ROS1: variants seen among roughly 807,000 people sequenced by gnomAD.
ROS1 encodes ROS proto-oncogene 1, receptor tyrosine kinase, also known as proto-oncogene tyrosine-protein kinase ROS.
In ROS1, 263 loss-of-function variants were observed where a neutral mutation model predicts 273.5. The observed-to-expected ratio is 0.96, with a 90% CI of 0.87 to 1.06. The LOEUF is 1.06. Ranked by LOEUF, ROS1 falls within the 50% of genes least tolerant of loss-of-function variation. The pLI is 0.00. For synonymous variants in ROS1, 1,008 were observed against 954.1 expected (o/e 1.06, Z -1.04); for missense variants, 2,833 against 2,751.1 (o/e 1.03, Z -0.67).
intron 42 of ROS1, among the ~76,000 whole-genome samples, chr6:117,307,464 T>A (rs889443628): frequency 2.0e-5 from 3 of 152,142 alleles, no homozygotes; most frequent in African/African-American, 7.2e-5. Context: ...TTAATTAAAA[T>A]TTATTTTGTA....
Position 117,356,697 on chromosome 6 carries a change from T to C in ROS1, c.4058A>G (p.Gln1353Arg), listed in dbSNP as rs1188265810. The change falls in exon 26 of 44, where the codon CAA (glutamine) becomes CGA (arginine). Residue 1353 changes from glutamine (Q) to arginine (R), a missense_variant. By Grantham distance (43) the Gln-to-Arg change is conservative. Transcript: ENST00000368507. Reference protein sequence around the residue: ...EKPLIYFAKAQEIWAMDLEGC... With the variant: ...EKPLIYFAKAREIWAMDLEGC... ...TTCCAGATCCATTGCCCAGATCTCT[T>C]GTGCTTTGGCAAAGTATATCAATGG... 1 of 1,614,072 alleles carries C rather than the reference T, an allele frequency of 6.2e-7. No individual in the cohort carries two copies. The highest frequency in any genetic ancestry group is 1.3e-5 in the African/African-American group (1 of 74,940).
At chr6:117,393,135 G>T in intron 12 of ROS1, 89 bp downstream of exon 12, 1 of 807,856 alleles carries the variant, frequency 1.2e-6, no homozygotes, top group Non-Finnish European at 2.2e-6. Context: ...GGCTCATCTG[G>T]TACTACAATG....
At chr6:117,370,076 TATAG>T (rs1780647841) in intron 18 of ROS1, among the ~76,000 whole-genome samples, 1 of 152,194 alleles carries the variant, frequency 6.6e-6, no homozygotes, top group Non-Finnish European at 1.5e-5. Flanking sequence ...AATCTATATC[TATAG>T]ATAGATAAAT....
chr6:117,407,639 C>A (rs1459280856), intron 5 of ROS1, among the ~76,000 whole-genome samples: 2 of 152,140 alleles, frequency 1.3e-5, no homozygotes, highest in Non-Finnish European at 2.9e-5. Context: ...AAACATACTG[C>A]CCAAAGTAAT....
chr6:117,393,356 A>G (rs1259965391), intron 11 of ROS1, 35 bp from the exon 12 acceptor site: 1 of 1,274,600 alleles, frequency 7.8e-7, no homozygotes, highest in East Asian at 2.3e-5. Flanking sequence ...TAGGATTAGC[A>G]TCTGTCTATA....
intron 39 of ROS1, among the ~76,000 whole-genome samples, chr6:117,313,006 T>C (rs1390686652): frequency 6.6e-6 from 1 of 152,154 alleles, no homozygotes; most frequent in African/African-American, 2.4e-5. Flanking sequence ...TATTCTCCAC[T>C]GCACTCTAAT....
chr6:117,379,841 A>G (rs1488664529), intron 17 of ROS1, among the ~76,000 whole-genome samples: 1 of 152,170 alleles, frequency 6.6e-6, no homozygotes, highest in Non-Finnish European at 1.5e-5. Context: ...AAGATCATAC[A>G]CAAAGGATGT....
intron 32 of ROS1, among the ~76,000 whole-genome samples, chr6:117,329,978 G>C (rs1415792937): frequency 6.6e-6 from 1 of 151,950 alleles, no homozygotes; most frequent in Non-Finnish European, 1.5e-5. Flanking sequence ...ACCAGCACAG[G>C]CTTCTGCTGC....
intron 26 of ROS1, 44 bp from the exon 27 acceptor site, chr6:117,353,210 C>A: frequency 1.5e-6 from 2 of 1,365,224 alleles, no homozygotes; most frequent in Non-Finnish European, 9.8e-7. Context: ...AAATTAATAT[C>A]TTACATTTTT....
chr6:117,382,075 G>C (rs1772202051), intron 17 of ROS1, among the ~76,000 whole-genome samples: 1 of 152,058 alleles, frequency 6.6e-6, no homozygotes, highest in South Asian at 2.1e-4. Flanking sequence ...TTACTCTTGA[G>C]ATAATATTAT....
chr6:117,341,034 A>T, intron 31 of ROS1, 101 bp downstream of exon 31: 1 of 746,862 alleles, frequency 1.3e-6, no homozygotes, highest in Non-Finnish European at 2.1e-6. Flanking sequence ...AAAGTTGTCA[A>T]ATATATTGTT....
intron 27 of ROS1, among the ~76,000 whole-genome samples, chr6:117,350,810 T>A (rs1240766587): frequency 6.6e-6 from 1 of 152,014 alleles, no homozygotes; most frequent in East Asian, 1.9e-4. Flanking sequence ...TCCTCACATG[T>A]TACAGTGTTT....
chr6:117,354,568 C>G (rs188340414), intron 26 of ROS1, among the ~76,000 whole-genome samples: 1 of 152,202 alleles, frequency 6.6e-6, no homozygotes, highest in Non-Finnish European at 1.5e-5. Flanking sequence ...TATGAAGTAG[C>G]AGGGTTTTTT....
At chr6:117,336,333 C>A (rs1187297048) in intron 32 of ROS1, among the ~76,000 whole-genome samples, 1 of 151,988 alleles carries the variant, frequency 6.6e-6, no homozygotes, top group African/African-American at 2.4e-5. Context: ...CCACCCCTCC[C>A]CCTGACAGGC....
Position 117,366,228 on chromosome 6 carries a change from G to A in ROS1, c.2645C>T (p.Ala882Val), listed in dbSNP as rs117865341. ...AWSTSEISQN[A>V]LMYYSGRLFW... ...CAGCCGACCACTATAGTACATCAGT[G>A]CATTCTGGGAAATTTCAGAAGTACT... Residue 882 changes from alanine (A) to valine (V), a missense_variant, in exon 19 of 44, where the codon GCA becomes GTA. Ala to Val is a moderately conservative substitution (Grantham distance 64). Transcript: ENST00000368507. 1.5e-3 allele frequency: 2,417 copies of A among 1,614,048 alleles called. 41 individuals are homozygous for A. Among genetic ancestry groups the A allele is most frequent in the South Asian group, 4.7e-4 (43 of 91,078 alleles).
intron 22 of ROS1, among the ~76,000 whole-genome samples, chr6:117,361,063 G>T (rs1049862939): frequency 2.6e-5 from 4 of 152,014 alleles, no homozygotes; most frequent in Admixed American, 2.6e-4. Flanking sequence ...GTAGAAACTG[G>T]ACCAGGATAC....
At chr6:117,377,902 T>C (rs1781469975) in intron 18 of ROS1, among the ~76,000 whole-genome samples, 1 of 152,132 alleles carries the variant, frequency 6.6e-6, no homozygotes, top group Non-Finnish European at 1.5e-5. Context: ...AGAAGATATA[T>C]AAATGGCTGA....
intron 39 of ROS1, among the ~76,000 whole-genome samples, 174 bp from the exon 40 acceptor site, chr6:117,311,291 A>T (rs959844455): frequency 9.2e-5 from 14 of 152,104 alleles, no homozygotes; most frequent in African/African-American, 2.7e-4. Flanking sequence ...AAACAAATTT[A>T]TATGTTTCCT....
chr6:117,347,146 T>A lies in ROS1; in HGVS notation c.4304-2884A>T, dbSNP rs1778444739. ...ATTGGGATTTTATTGAATCTATAGA[T>A]AAGTTGAGAAGAAATGACATCTTGA... On this transcript the variant is annotated intron_variant, in intron 27 of 43. Transcript: ENST00000368507. Among the ~76,000 whole-genome samples, 2 of 152,152 alleles carry A rather than the reference T, an allele frequency of 1.3e-5. 1 individual carries two copies. The highest frequency in any genetic ancestry group is 4.1e-4 in the South Asian group (2 of 4,830).
Sources: gnomAD v4.1 joint callset for allele counts (sites outside exome capture counted in the v4.1 genomes callset) on GRCh38, gnomAD v4.1.1 for gene constraint, MANE v1.5 for transcripts, NCBI Gene and HGNC (gene_info 2026-07-23, HGNC 2026-07-21) for gene names.